The following ADCY1 variants were observed in gnomAD, a reference collection of about 807,000 sequenced individuals.
ADCY1 encodes the protein adenylate cyclase type 1.
In ADCY1, 28 loss-of-function variants were observed where a neutral mutation model predicts 105.4. That is an observed-to-expected ratio of 0.27 (90% CI 0.20 to 0.36). The LOEUF is 0.36. Ranked by LOEUF, ADCY1 falls within the 10% of genes least tolerant of loss-of-function variation. ADCY1 has a pLI of 1.00. For synonymous variants in ADCY1, 655 were observed against 623.8 expected (o/e 1.05, Z -0.75); for missense variants, 977 against 1,434.2 (o/e 0.68, Z 5.15).
At position 45,590,799 on chromosome 7, in the gene ADCY1, C is replaced by T. The variant is rs57844141; in HGVS notation, c.640-1960C>T. Among the ~76,000 whole-genome samples the T allele has an allele frequency of 5.8e-3, 883 of 152,288 alleles. 5 individuals carry two copies. Among genetic ancestry groups the T allele is most frequent in the African/African-American group, 0.019 (781 of 41,540 alleles). Reference sequence around the variant, plus strand: ...TCTCTGACCCCTCACAGGTGACAGCCATCCCGTCTGGCCTGCAGAGGGTGT... The same window carrying T: ...TCTCTGACCCCTCACAGGTGACAGCTATCCCGTCTGGCCTGCAGAGGGTGT... On this transcript the variant is annotated intron_variant, in intron 1 of 19. Coordinates refer to ENST00000297323, the MANE Select transcript of ADCY1 (RefSeq NM_021116.4).
intron 10 of ADCY1, 128 bp from the exon 11 acceptor site, chr7:45,679,581 G>C: frequency 4.5e-6 from 4 of 887,892 alleles, no homozygotes; most frequent in Non-Finnish European, 7.3e-6. Flanking sequence ...CAGGCATCCA[G>C]GTTAACGATG....
intron 8 of ADCY1, among the ~76,000 whole-genome samples, chr7:45,676,270 G>A (rs1369441951): frequency 1.3e-5 from 2 of 152,018 alleles, no homozygotes; most frequent in Admixed American, 1.3e-4. Flanking sequence ...TTTGTTTCAG[G>A]TGTGTTCATA....
intron 3 of ADCY1, among the ~76,000 whole-genome samples, chr7:45,622,009 CTG>C (rs1335428965): frequency 2.0e-5 from 3 of 152,304 alleles, no homozygotes. Context: ...TGGGTAGACA[CTG>C]TGTCGTTTAG....
chr7:45,619,117 A>G (rs1793820798), intron 3 of ADCY1, among the ~76,000 whole-genome samples: 1 of 152,198 alleles, frequency 6.6e-6, no homozygotes, highest in Admixed American at 6.5e-5. Context: ...TCATTGAAAG[A>G]TAAATACTGC....
chr7:45,679,747 G>C lies in ADCY1; in HGVS notation c.1937G>C (p.Cys646Ser). ...CTGCTCCTGCTAGTATTCTGCATCTGCTTCCTGGTGGCCTGTGTCCTGTAC... is the reference window on the plus strand; with the variant it reads ...CTGCTCCTGCTAGTATTCTGCATCTCCTTCCTGGTGGCCTGTGTCCTGTAC... The part of the protein sequence containing the change: ...VVLLLLVFCI[C>S]FLVACVLYLH... The change falls in exon 11 of 20, where the codon TGC (cysteine) becomes TCC (serine). Residue 646 changes from cysteine to serine, a missense_variant. By Grantham distance (112) the Cys-to-Ser change is moderately radical. Around this residue, in one of 7 missense-constraint regions of ADCY1, gnomAD observed 275 missense variants for 362.1 expected, o/e 0.76. Transcript: ENST00000297323. 6.2e-7 allele frequency: 1 copy of C among 1,614,228 alleles called. No homozygotes were observed. The highest frequency in any genetic ancestry group is 8.5e-7 in the Non-Finnish European group (1 of 1,180,042).
intron 4 of ADCY1, among the ~76,000 whole-genome samples, chr7:45,625,847 G>A (rs984291948): frequency 6.6e-6 from 1 of 152,214 alleles, no homozygotes; most frequent in African/African-American, 2.4e-5. Flanking sequence ...TGTGTCAGGG[G>A]AGTCTGTCCT....
chr7:45,593,680 C>T (rs1473852919), intron 2 of ADCY1, among the ~76,000 whole-genome samples: 1 of 152,228 alleles, frequency 6.6e-6, no homozygotes, highest in Non-Finnish European at 1.5e-5. Context: ...GCCTCTGTGA[C>T]ACCAAACTGC....
At position 45,719,384 on chromosome 7, in the gene ADCY1, T is replaced by C; in HGVS notation, c.*5389T>C. 6.6e-6 allele frequency: 1 copy of C among 152,246 alleles called. No homozygotes were observed. The highest frequency in any genetic ancestry group is 1.9e-4 in the East Asian group (1 of 5,194). The allele number at this position is 152,246 out of a possible 1,614,324, so 9.4% of individuals were successfully genotyped here. ...ATACACTTAGTGAAAGCAGATCCTG[T>C]ACTAGGATGTGAGGATATCTGTCAC... On this transcript the variant is annotated 3_prime_UTR_variant, in exon 20 of 20. Coordinates refer to ENST00000297323, the MANE Select transcript of ADCY1 (RefSeq NM_021116.4).
chr7:45,601,252 C>A (rs552984067), intron 2 of ADCY1, among the ~76,000 whole-genome samples: 5 of 152,210 alleles, frequency 3.3e-5, no homozygotes, highest in South Asian at 2.1e-4. Flanking sequence ...CCCTTCCCCC[C>A]CTGCTCTTAC....
At position 45,703,851 on chromosome 7, in the gene ADCY1, T is replaced by TGAGAG. The variant is rs1785051124; in HGVS notation, c.2718+106_2718+110dup. 2.8e-6 allele frequency: 4 copies of TGAGAG among 1,443,586 alleles called. No individual in the cohort carries two copies. The highest frequency in any genetic ancestry group is 3.7e-6 in the Non-Finnish European group (4 of 1,078,608). The allele number at this position is 1,443,586 out of a possible 1,614,324, so 89.4% of individuals were successfully genotyped here. A position where few individuals can be genotyped will look rare whatever the true frequency, so the allele number is the denominator to read the frequency against. ...TATGTCACATTCTTCGTAGCTGGAA[T>TGAGAG]GAGAGAAAGCAAATCCCGGGAAGCA... On this transcript the variant is annotated intron_variant, in intron 16 of 19. Transcript: ENST00000297323. The surrounding 1 kb of genome is among the most constrained non-coding windows in gnomAD (Gnocchi z 5.9).
intron 4 of ADCY1, among the ~76,000 whole-genome samples, chr7:45,633,328 G>A (rs1794311448): frequency 6.6e-6 from 1 of 151,934 alleles, no homozygotes; most frequent in East Asian, 1.9e-4. Flanking sequence ...ACTTATACAT[G>A]GATTTTTTTC....
Position 45,698,137 on chromosome 7 carries a change from A to C in ADCY1, c.2455-5239A>C, listed in dbSNP as rs1784921974. 2.6e-5 allele frequency among the ~76,000 whole-genome samples: 4 copies of C among 151,680 alleles called. No individual in the cohort carries two copies. In the South Asian group the frequency reaches 8.3e-4, roughly 32 times the overall value. On this transcript the variant is annotated intron_variant, in intron 14 of 19. Coordinates refer to ENST00000297323, the MANE Select transcript of ADCY1 (RefSeq NM_021116.4). ...TAGAAAACCACACATGCATGTGTGCATGCACACACAAACACACATACTCTC... is the reference window on the plus strand; with the variant it reads ...TAGAAAACCACACATGCATGTGTGCCTGCACACACAAACACACATACTCTC...
At chr7:45,631,528 T>C (rs1243272299) in intron 4 of ADCY1, among the ~76,000 whole-genome samples, 1 of 152,210 alleles carries the variant, frequency 6.6e-6, no homozygotes, top group Admixed American at 6.5e-5. Flanking sequence ...ACATACTATA[T>C]CACAAGTAAA....
At position 45,721,539 on chromosome 7, in the gene ADCY1, T is replaced by C. The variant is rs1047571769; in HGVS notation, c.*7544T>C. The C allele has an allele frequency of 2.5e-6, 1 of 397,024 alleles. No homozygotes were observed. The highest frequency in any genetic ancestry group is 2.1e-5 in the African/African-American group (1 of 48,620). 24.6% of individuals were successfully genotyped at this position (397,024 alleles called of 1,614,324 possible). A position where few individuals can be genotyped will look rare whatever the true frequency, so the allele number is the denominator to read the frequency against. ...ACACCCTGAAACTACACACCATTTCTTCCCTGCTCAGCTTCTGCTCAGGAG... is the reference window on the plus strand; with the variant it reads ...ACACCCTGAAACTACACACCATTTCCTCCCTGCTCAGCTTCTGCTCAGGAG... On this transcript the variant is annotated 3_prime_UTR_variant, in exon 20 of 20. Coordinates refer to ENST00000297323, the MANE Select transcript of ADCY1 (RefSeq NM_021116.4).
At chr7:45,648,893 C>G in intron 5 of ADCY1, 96 bp downstream of exon 5, 1 of 1,476,082 alleles carries the variant, frequency 6.8e-7, no homozygotes, top group Non-Finnish European at 9.2e-7. Flanking sequence ...GGGCTCCCCT[C>G]TCAGGGTCTC....
chr7:45,642,321 C>T (rs1794547935), intron 4 of ADCY1, among the ~76,000 whole-genome samples: 1 of 152,062 alleles, frequency 6.6e-6, no homozygotes, highest in Non-Finnish European at 1.5e-5. Context: ...CTGGTTTGTA[C>T]CTGGCCAGGG....
At chr7:45,579,895 T>A (rs1388445739) in intron 1 of ADCY1, among the ~76,000 whole-genome samples, 2 of 152,208 alleles carry the variant, frequency 1.3e-5, no homozygotes, top group Non-Finnish European at 2.9e-5. Flanking sequence ...CTGTGTTTAG[T>A]GTTTAGGGAG....
At chr7:45,592,152 G>C (rs1314721210) in intron 1 of ADCY1, among the ~76,000 whole-genome samples, 2 of 151,934 alleles carry the variant, frequency 1.3e-5, no homozygotes, top group East Asian at 3.9e-4. Flanking sequence ...ATTCTCCAGG[G>C]GTCTTGGTTT....
intron 2 of ADCY1, among the ~76,000 whole-genome samples, chr7:45,608,287 T>C (rs1423700190): frequency 6.6e-6 from 1 of 152,236 alleles, no homozygotes; most frequent in Non-Finnish European, 1.5e-5. Context: ...CAGTTTTTAA[T>C]GAAGGTTATT....
Sources: allele counts gnomAD v4.1 joint callset (sites outside exome capture counted in the v4.1 genomes callset), GRCh38; gene constraint gnomAD v4.1.1; regional missense constraint gnomAD v4.1.1; non-coding constraint Gnocchi (gnomAD v3.1); transcripts MANE v1.5; gene names NCBI Gene and HGNC (gene_info 2026-07-23, HGNC 2026-07-21).